The following ADCK5 variants were observed in gnomAD, a reference collection of about 807,000 sequenced individuals.
ADCK5 encodes the protein aarF domain containing kinase 5, also known as uncharacterized aarF domain-containing protein kinase 5.
A neutral mutation model predicts 64.9 loss-of-function variants in ADCK5; 43 were observed. The observed-to-expected ratio is 0.66, with a 90% CI of 0.52 to 0.85. ADCK5 has a LOEUF of 0.85. ADCK5 is among the 40% of genes least tolerant of loss of function. The pLI is 0.00. For missense variants in ADCK5, 760 were observed against 810.5 expected, an observed-to-expected ratio of 0.94 and a Z score of 0.76; for synonymous variants, 434 against 342.8, an observed-to-expected ratio of 1.27 and a Z score of -2.94.
rs782601217 is a variant in ADCK5, at chr8:144,392,577, T to C, written c.1400T>C (p.Met467Thr). The change falls in exon 13 of 15, where the codon ATG becomes ACG. Residue 467 changes from methionine (M) to threonine (T), a missense_variant. Transcript: ENST00000308860. The stretch of plus-strand genomic sequence containing the variant: ...GCCCGCGAGCGCTTCGAGGCCGTCA[T>C]GGCGGTGCTCAGGGAGCTGCCGCGG... ...DMARERFEAVMAVLRELPRPM... is the reference protein window; with the variant it reads ...DMARERFEAVTAVLRELPRPM... 4.4e-6 allele frequency: 7 copies of C among 1,576,700 alleles called. No individual in the cohort carries two copies. In the East Asian group the frequency reaches 6.9e-5, roughly 16 times the overall value.
At position 144,391,860 on chromosome 8, in the gene ADCK5, G is replaced by T; in HGVS notation, c.1008G>T (p.Val336=). The change falls in exon 9 of 15, where the codon GTG becomes GTT. Residue 336 remains valine, a synonymous_variant. Transcript: ENST00000308860. ...CCATCAGGAGCCAGGGGCTGGCAGT[G>T]CATGACGTGAGTGCGGGGGGGCGGG... is the stretch of plus-strand genomic sequence containing the variant. ...VEAIRSQGLA[V]HDIAEKLIKA... 1.4e-6 allele frequency: 2 copies of T among 1,432,718 alleles called. No individual in the cohort carries two copies. Among genetic ancestry groups the T allele is most frequent in the Non-Finnish European group, 1.9e-6 (2 of 1,074,286 alleles). The allele number at this position is 1,432,718 out of a possible 1,614,324, so 88.8% of individuals were successfully genotyped here.
intron 3 of ADCK5, among the ~76,000 whole-genome samples, chr8:144,383,931 C>A (rs1819793000): frequency 7.1e-6 from 1 of 139,916 alleles, no homozygotes; most frequent in Admixed American, 7.6e-5. Context: ...CTCGCTCTGT[C>A]ACCCAGGCTG....
At chr8:144,374,843 C>T (rs1819300408) in intron 1 of ADCK5, among the ~76,000 whole-genome samples, 1 of 152,206 alleles carries the variant, frequency 6.6e-6, no homozygotes, top group African/African-American at 2.4e-5. Context: ...CTCCCCGCTC[C>T]CACGTCGCCG....
At chr8:144,392,418 T>TGCCCG in intron 12 of ADCK5, 27 bp from the exon 13 acceptor site, 4 of 799,256 alleles carry the variant, frequency 5.0e-6, no homozygotes, top group Non-Finnish European at 6.8e-6. Flanking sequence ...CAGAGCCCCC[T>TGCCCG]CCCTCCCTCC....
intron 1 of ADCK5, among the ~76,000 whole-genome samples, chr8:144,374,501 G>A (rs1554856750): frequency 6.6e-6 from 1 of 152,124 alleles, no homozygotes; most frequent in Admixed American, 6.5e-5. Context: ...CAGCCCTGAC[G>A]CCGCCTGCAC....
intron 2 of ADCK5, 80 bp downstream of exon 2, chr8:144,379,570 G>C: frequency 8.2e-7 from 1 of 1,213,320 alleles, no homozygotes; most frequent in South Asian, 1.5e-5. Flanking sequence ...GGTGGCAGTC[G>C]AGGGCCCAAG....
rs782435769 is a variant in ADCK5, at chr8:144,391,063, G to A, written c.543+7G>A. The A allele has an allele frequency of 1.5e-5, 24 of 1,611,600 alleles. No homozygotes were observed. The South Asian group carries it at 2.6e-4, about 18-fold the overall frequency. ...CAAGCGGGGCTTCCAGGAGGTGAGT[G>A]TGCGCTCAGGCCGAGGGAGGTGGGG... On this transcript the variant is annotated splice_region_variant and intron_variant, in intron 5 of 14. Transcript: ENST00000308860.
chr8:144,390,963 G>A lies in ADCK5; in HGVS notation c.450G>A (p.Gln150=). The change falls in exon 5 of 15, where the codon CAG becomes CAA. Residue 150 remains glutamine, a synonymous_variant. Transcript: ENST00000308860. The part of the protein sequence containing the change: ...SNGGLYVKLG[Q]GLCSFNHLLP... ...GGGGCCTCTACGTGAAGCTGGGCCA[G>A]GGGCTGTGCTCCTTCAACCACCTGC... 1 of 1,613,006 alleles carries A rather than the reference G, an allele frequency of 6.2e-7. No individual in the cohort carries two copies. The highest frequency in any genetic ancestry group is 8.5e-7 in the Non-Finnish European group (1 of 1,179,976).
intron 2 of ADCK5, among the ~76,000 whole-genome samples, chr8:144,381,688 T>C (rs1819656323): frequency 6.6e-6 from 1 of 150,878 alleles, no homozygotes; most frequent in Non-Finnish European, 1.5e-5. Flanking sequence ...GTCAGAATTA[T>C]GGGCCGGGTG....
chr8:144,392,509 G>C lies in ADCK5; in HGVS notation c.1332G>C (p.Ser444=), dbSNP rs782497875. 7 of 1,540,634 alleles carry C rather than the reference G, an allele frequency of 4.5e-6. No individual in the cohort carries two copies. The highest frequency in any genetic ancestry group is 1.7e-4 in the Middle Eastern group (1 of 5,988). ...TGCGCCTGGGGCAGCTGTGGGGCTC[G>C]CACCTACTGAGCCGCGAAGAGGCGG... ...RPVRLGQLWG[S]HLLSREEAAY... The change falls in exon 13 of 15, where the codon TCG becomes TCC. Residue 444 remains serine (S), a synonymous_variant. Transcript: ENST00000308860.
At chr8:144,392,948 C>A (rs1820392245) in intron 14 of ADCK5, 21 bp from the exon 15 acceptor site, 1 of 1,586,418 alleles carries the variant, frequency 6.3e-7, no homozygotes. Flanking sequence ...CCACCTGTGA[C>A]CTGTGACCTG....
chr8:144,384,533 C>T lies in ADCK5; in HGVS notation c.266+1303C>T, dbSNP rs1194556812. On this transcript the variant is annotated intron_variant, in intron 3 of 14. Transcript: ENST00000308860. The surrounding 1 kb of genome is among the most constrained non-coding windows in gnomAD (Gnocchi z 5.7). ...GCAGATTTTGGGTGGCATTGTCTGT[C>T]TTGCAGGGCCATCCAGTCTCGCAGC... Among the ~76,000 whole-genome samples, 3 of 152,178 alleles carry T rather than the reference C, an allele frequency of 2.0e-5. No individual in the cohort carries two copies. Among genetic ancestry groups the T allele is most frequent in the East Asian group, 1.9e-4 (1 of 5,196 alleles).
intron 2 of ADCK5, 99 bp from the exon 3 acceptor site, chr8:144,382,982 C>T (rs1819744966): frequency 8.7e-6 from 13 of 1,489,400 alleles, no homozygotes; most frequent in South Asian, 6.2e-5. Context: ...TGGCTGTGCA[C>T]ACAGGAGTGA....
Position 144,391,437 on chromosome 8 carries a change from T to C in ADCK5, c.761T>C (p.Val254Ala). Reference sequence around the variant, plus strand: ...GAGCTCCTGCTGCGGCTCGTTGAGGTCATGCACCCCAGCTTTGGCTTCAGC... The same window carrying C: ...GAGCTCCTGCTGCGGCTCGTTGAGGCCATGCACCCCAGCTTTGGCTTCAGC... ...TLELLLRLVE[V>A]MHPSFGFSWV... The change falls in exon 7 of 15, where the codon GTC becomes GCC. Residue 254 changes from valine (V) to alanine (A), a missense_variant. Val to Ala is a moderately conservative substitution (Grantham distance 64, BLOSUM62 0). This residue lies in a region of ADCK5 where 427 missense variants were observed against 518.4 expected (regional missense o/e 0.82). Transcript: ENST00000308860. 1 of 1,611,906 alleles carries C rather than the reference T, an allele frequency of 6.2e-7. No homozygotes were observed. The highest frequency in any genetic ancestry group is 2.2e-5 in the East Asian group (1 of 44,844).
Position 144,390,984 on chromosome 8 carries a change from C to T in ADCK5, c.471C>T (p.His157=). ...KLGQGLCSFN[H]LLPPEYTRTL... ...GCCAGGGGCTGTGCTCCTTCAACCA[C>T]CTGCTTCCCCCCGAGTATACCCGGA... is the stretch of plus-strand genomic sequence containing the variant. The change falls in exon 5 of 15, where the codon CAC becomes CAT. Residue 157 remains histidine (H), a synonymous_variant. Coordinates refer to ENST00000308860, the MANE Select transcript of ADCK5 (RefSeq NM_174922.5). 1 of 1,613,058 alleles carries T rather than the reference C, an allele frequency of 6.2e-7. No individual in the cohort carries two copies. The highest frequency in any genetic ancestry group is 8.5e-7 in the Non-Finnish European group (1 of 1,179,994).
chr8:144,392,750 C>A (rs371913939), intron 13 of ADCK5, 26 bp from the exon 14 acceptor site: 1 of 1,585,286 alleles, frequency 6.3e-7, no homozygotes, highest in African/African-American at 1.3e-5. Context: ...GTGGGGCTGA[C>A]GCGGCGCTAA....
rs962517778 is a variant in ADCK5, at chr8:144,391,601, C to G, written c.820C>G (p.Gln274Glu). Residue 274 changes from glutamine (Q) to glutamate (E), a missense_variant, in exon 8 of 15, where the codon CAG (glutamine) becomes GAG (glutamate). Transcript: ENST00000308860. ...CCAGGACCTGAAGGGGACCCTGGCCCAGGAGCTGGACTTCGAGAATGAGGG... is the reference window on the plus strand; with the variant it reads ...CCAGGACCTGAAGGGGACCCTGGCCGAGGAGCTGGACTTCGAGAATGAGGG... ...VLQDLKGTLA[Q>E]ELDFENEGRN... is the part of the protein sequence containing the mutation. 1.3e-6 allele frequency: 2 copies of G among 1,574,882 alleles called. No individual in the cohort carries two copies. The highest frequency in any genetic ancestry group is 1.3e-5 in the African/African-American group (1 of 74,472).
intron 5 of ADCK5, 27 bp downstream of exon 5, chr8:144,391,083 G>T: frequency 6.2e-7 from 1 of 1,610,954 alleles, no homozygotes; most frequent in Non-Finnish European, 8.5e-7. Context: ...GCCGAGGGAG[G>T]TGGGGCCTCC....
chr8:144,392,413 C>CCCCCGGCCCG, intron 12 of ADCK5, 32 bp from the exon 13 acceptor site: 1 of 1,457,978 alleles, frequency 6.9e-7, no homozygotes. Flanking sequence ...CCACTCAGAG[C>CCCCCGGCCCG]CCCCTCCCTC....
Sources: allele counts gnomAD v4.1 joint callset (sites outside exome capture counted in the v4.1 genomes callset), GRCh38; gene constraint gnomAD v4.1.1; regional missense constraint gnomAD v4.1.1; non-coding constraint Gnocchi (gnomAD v3.1); transcripts MANE v1.5; gene names NCBI Gene and HGNC (gene_info 2026-07-23, HGNC 2026-07-21).